Variants in RHOA observed in about 807,000 individuals in gnomAD.
The protein encoded by RHOA is ras homolog family member A.
RHOA carries 3 observed loss-of-function variants against 17.5 expected under a neutral mutation model. The observed-to-expected ratio is 0.17, with a 90% CI of 0.08 to 0.44. The LOEUF (loss-of-function observed/expected upper bound fraction) is 0.44. Among genes scored for constraint, RHOA ranks in the 20% least tolerant of loss-of-function variants. The pLI, the probability that RHOA is intolerant of heterozygous loss-of-function variation, is 0.99. For synonymous variants in RHOA, 98 were observed against 88.4 expected, an observed-to-expected ratio of 1.11 and a Z score of -0.61; for missense variants, 56 against 242.3, an observed-to-expected ratio of 0.23 and a Z score of 5.10.
chr3:49,402,893 C>T (rs776967860), intron 1 of RHOA, among the ~76,000 whole-genome samples: 1 of 151,870 alleles, frequency 6.6e-6, no homozygotes, highest in African/African-American at 2.4e-5. Context: ...AAAAATTAGC[C>T]GGGCGTGGTG....
Position 49,365,143 on chromosome 3 carries a change from GTTTTTTTTT to G in RHOA, c.278-2526_278-2518del, listed in dbSNP as rs774772004. 18 of 136,462 alleles carry G rather than the reference GTTTTTTTTT, an allele frequency of 1.3e-4. No homozygotes were observed. The East Asian group carries it at 3.6e-3, about 27-fold the overall frequency. 8.5% of individuals were successfully genotyped at this position (136,462 alleles called of 1,614,324 possible). A position where few individuals can be genotyped will look rare whatever the true frequency, so the allele number is the denominator to read the frequency against. On this transcript the variant is annotated intron_variant, in intron 3 of 4. Coordinates refer to ENST00000418115, the MANE Select transcript of RHOA (RefSeq NM_001664.4). Reference sequence around the variant, plus strand: ...CTGTCTTCCCTCATCTAGAACAGAAGTTTTTTTTTTTTTTTTTTAGATGGACTCTTGCTC... The same window carrying G: ...CTGTCTTCCCTCATCTAGAACAGAAGTTTTTTTTTAGATGGACTCTTGCTC...
At chr3:49,371,340 C>T (rs1032486314) in intron 2 of RHOA, among the ~76,000 whole-genome samples, 10 of 150,450 alleles carry the variant, frequency 6.6e-5, no homozygotes, top group East Asian at 1.9e-4. Context: ...AGTGCAGTGG[C>T]GCAGTCTCAG....
chr3:49,361,967 C>T (rs756193761), intron 4 of RHOA, among the ~76,000 whole-genome samples: 1 of 151,800 alleles, frequency 6.6e-6, no homozygotes. Context: ...GTGGGCAGAT[C>T]ACTTGAGGTA....
chr3:49,385,058 C>T (rs1290874111), intron 1 of RHOA, among the ~76,000 whole-genome samples: 20 of 150,466 alleles, frequency 1.3e-4, no homozygotes, highest in Non-Finnish European at 2.2e-4. Flanking sequence ...AAGACTGTCT[C>T]GGGGGAAAAA....
intron 2 of RHOA, 105 bp downstream of exon 2, chr3:49,375,329 T>C (rs951800876): frequency 9.7e-7 from 1 of 1,031,732 alleles, no homozygotes; most frequent in Non-Finnish European, 1.4e-6. Context: ...TCCAACATTT[T>C]TGTTATATGG....
At chr3:49,370,302 A>G (rs2048129659) in intron 2 of RHOA, among the ~76,000 whole-genome samples, 1 of 152,218 alleles carries the variant, frequency 6.6e-6, no homozygotes, top group African/African-American at 2.4e-5. Context: ...GGCATAATTC[A>G]AAATGTCAAG....
In RHOA at chr3:49,387,448, G is replaced by GAA. The variant is rs371706211; in HGVS notation, c.-2-11859_-2-11858dup. On this transcript the variant is annotated intron_variant, in intron 1 of 4. Coordinates refer to ENST00000418115, the MANE Select transcript of RHOA (RefSeq NM_001664.4). ...GACAGAGCGAGACTCCATCTCGGGG[G>GAA]AAAAAAAAAAAAAGGGTCGGGCGCG... 1.2e-3 allele frequency among the ~76,000 whole-genome samples: 148 copies of GAA among 128,612 alleles called. 2 individuals carry two copies. Among genetic ancestry groups the GAA allele is most frequent in the Middle Eastern group, 4.3e-3 (1 of 230 alleles). The allele number at this position is 128,612 out of a possible 152,430, so 84.4% of individuals were successfully genotyped here. A position where few individuals can be genotyped will look rare whatever the true frequency, so the allele number is the denominator to read the frequency against.
rs181158385 is a variant in RHOA, at chr3:49,374,456, C to T, written c.156+978G>A. On this transcript the variant is annotated intron_variant, in intron 2 of 4. Coordinates refer to ENST00000418115, the MANE Select transcript of RHOA (RefSeq NM_001664.4). ...ACATATGGCTGGGCAAGGTGGCTCA[C>T]GCCTGTAATCCCAGCACTTTGGGAG... is the stretch of plus-strand genomic sequence containing the variant. 7.1e-4 allele frequency among the ~76,000 whole-genome samples: 107 copies of T among 151,136 alleles called. 1 individual carries two copies. The East Asian group carries it at 0.013, about 19-fold the overall frequency.
At chr3:49,410,278 T>G (rs946950404) in intron 1 of RHOA, among the ~76,000 whole-genome samples, 6 of 152,138 alleles carry the variant, frequency 3.9e-5, no homozygotes, top group African/African-American at 7.2e-5. Flanking sequence ...CTTGGGAAAT[T>G]TACTTAAGTC....
chr3:49,397,463 A>G (rs1169174271), intron 1 of RHOA, among the ~76,000 whole-genome samples: 1 of 152,178 alleles, frequency 6.6e-6, no homozygotes, highest in African/African-American at 2.4e-5. Context: ...ATGGTGTGAT[A>G]TATGAATTAT....
intron 3 of RHOA, chr3:49,365,049 T>G (rs1260456324): frequency 6.6e-6 from 1 of 152,220 alleles, no homozygotes; most frequent in African/African-American, 2.4e-5. Flanking sequence ...TTTGTAATAT[T>G]TACTGTTACT....
intron 1 of RHOA, among the ~76,000 whole-genome samples, chr3:49,399,054 CAAAAAAAAAAAAAAAAAAA>C (rs10530558): frequency 3.6e-4 from 9 of 24,844 alleles, no homozygotes; most frequent in East Asian, 1.6e-3. Flanking sequence ...GACTCCGTCT[CAAAAAAAAAAAAAAAAAAA>C]AAAAAAAAAA....
intron 3 of RHOA, 109 bp from the exon 4 acceptor site, chr3:49,362,735 T>C (rs1301973197): frequency 6.0e-5 from 53 of 876,336 alleles, no homozygotes; most frequent in Non-Finnish European, 1.6e-5. Context: ...TTCAGAAAAA[T>C]GCTAGACATT....
rs560383531 is a variant in RHOA at position 49,408,055 on chromosome 3, G to A, written c.-3+3765C>T. On this transcript the variant is annotated intron_variant, in intron 1 of 4. Coordinates refer to ENST00000418115, the MANE Select transcript of RHOA (RefSeq NM_001664.4). The stretch of plus-strand genomic sequence containing the variant: ...CATGCTGGTACTCCCAACTACTCCA[G>A]AGGCCGAGGCACAAGAATCACTTGA... 1.2e-4 allele frequency among the ~76,000 whole-genome samples: 19 copies of A among 152,132 alleles called. No individual in the cohort carries two copies. The East Asian group carries it at 3.5e-3, about 28-fold the overall frequency.
At chr3:49,391,325 G>A (rs1018120828) in intron 1 of RHOA, among the ~76,000 whole-genome samples, 30 of 151,314 alleles carry the variant, frequency 2.0e-4, no homozygotes, top group African/African-American at 6.5e-4. Context: ...CCAGGAGACA[G>A]AGGCTGCAGT....
At chr3:49,367,366 A>AAAAAAAAAAAAAAAAAT in intron 3 of RHOA, among the ~76,000 whole-genome samples, 1 of 146,562 alleles carries the variant, frequency 6.8e-6, no homozygotes, top group African/African-American at 2.5e-5. Context: ...AAAAAAAAAA[A>AAAAAAAAAAAAAAAAAT]GAATACTGAC....
rs575356590 is a variant in RHOA at position 49,385,069 on chromosome 3, C to T, written c.-2-9478G>A. On this transcript the variant is annotated intron_variant, in intron 1 of 4. Coordinates refer to ENST00000418115, the MANE Select transcript of RHOA (RefSeq NM_001664.4). ...CAGCAAGACTGTCTCGGGGGAAAAA[C>T]AAATTTAATTATCTTTTATGTAGAG... Among the ~76,000 whole-genome samples the T allele has an allele frequency of 1.9e-3, 291 of 151,120 alleles. 1 individual carries two copies. Among genetic ancestry groups the T allele is most frequent in the Non-Finnish European group, 3.4e-3 (228 of 67,820 alleles).
intron 1 of RHOA, among the ~76,000 whole-genome samples, chr3:49,385,252 A>G (rs1319209747): frequency 3.0e-5 from 4 of 135,242 alleles, no homozygotes; most frequent in Admixed American, 2.3e-4. Context: ...ACAGAGTCTT[A>G]CTCTGTCGCC....
At chr3:49,373,352 C>G (rs1481209338) in intron 2 of RHOA, 1 of 168,464 alleles carries the variant, frequency 5.9e-6, no homozygotes, top group African/African-American at 2.4e-5. Flanking sequence ...TCTAGACAAA[C>G]AAACAAAAAC....
Sources: gnomAD v4.1 joint callset for allele counts (sites outside exome capture counted in the v4.1 genomes callset) on GRCh38, gnomAD v4.1.1 for gene constraint, MANE v1.5 for transcripts, NCBI Gene and HGNC (gene_info 2026-07-23, HGNC 2026-07-21) for gene names.